The following FMNL2 variants were observed in gnomAD, a reference collection of about 807,000 sequenced individuals.
FMNL2 encodes the protein formin like 2, also known as formin-like protein 2.
FMNL2 carries 51 observed loss-of-function variants against 130.2 expected under a neutral mutation model. The ratio of observed to expected loss-of-function variants is 0.39; its 90% CI spans 0.31 to 0.49. The LOEUF is 0.49. Ranked by LOEUF, FMNL2 falls within the 20% of genes least tolerant of loss-of-function variation. The pLI, the probability that FMNL2 is intolerant of heterozygous loss-of-function variation, is 0.85. For synonymous variants in FMNL2, 465 were observed against 467.1 expected (o/e 1.00, Z 0.06); for missense variants, 977 against 1,316.2 (o/e 0.74, Z 3.99).
intron 1 of FMNL2, among the ~76,000 whole-genome samples, chr2:152,435,490 A>G (rs1687703567): frequency 6.6e-6 from 1 of 152,124 alleles, no homozygotes; most frequent in Non-Finnish European, 1.5e-5. Flanking sequence ...AAATACCTGC[A>G]TACCATTACT....
intron 2 of FMNL2, among the ~76,000 whole-genome samples, chr2:152,528,567 A>C (rs928453309): frequency 5.3e-5 from 8 of 152,114 alleles, no homozygotes; most frequent in Non-Finnish European, 1.2e-4. Flanking sequence ...AAGAACAGTT[A>C]CTGGATTTAG....
At chr2:152,428,257 A>T (rs1013145803) in intron 1 of FMNL2, among the ~76,000 whole-genome samples, 2 of 152,236 alleles carry the variant, frequency 1.3e-5, no homozygotes, top group African/African-American at 4.8e-5. Context: ...AACAAAAGCA[A>T]ATCAGAACCG....
chr2:152,395,669 A>G (rs1685351686), intron 1 of FMNL2, among the ~76,000 whole-genome samples: 1 of 152,252 alleles, frequency 6.6e-6, no homozygotes, highest in African/African-American at 2.4e-5. Flanking sequence ...AAGAATGACT[A>G]AAAAATCAGC....
At chr2:152,370,309 C>T (rs1363994600) in intron 1 of FMNL2, among the ~76,000 whole-genome samples, 2 of 152,066 alleles carry the variant, frequency 1.3e-5, no homozygotes, top group African/African-American at 4.8e-5. Flanking sequence ...CTAGGAAGCT[C>T]CCCGGGGTCT....
intron 1 of FMNL2, among the ~76,000 whole-genome samples, chr2:152,406,965 C>A (rs145416170): frequency 6.6e-6 from 1 of 152,238 alleles, no homozygotes; most frequent in African/African-American, 2.4e-5. Flanking sequence ...CTGGCTCTGT[C>A]ACTTTGTAAT....
intron 10 of FMNL2, among the ~76,000 whole-genome samples, chr2:152,607,995 G>A (rs1457906327): frequency 1.3e-5 from 2 of 152,088 alleles, no homozygotes; most frequent in East Asian, 1.9e-4. Flanking sequence ...CGGTTCCACA[G>A]CAGTCCTGTC....
intron 1 of FMNL2, among the ~76,000 whole-genome samples, chr2:152,484,501 G>A (rs1400687546): frequency 6.6e-6 from 1 of 151,976 alleles, no homozygotes; most frequent in East Asian, 1.9e-4. Context: ...GCTGGAAGTG[G>A]TGGTGCCTAC....
intron 22 of FMNL2, among the ~76,000 whole-genome samples, chr2:152,637,138 G>A (rs1476820662): frequency 6.6e-6 from 1 of 152,224 alleles, no homozygotes; most frequent in East Asian, 1.9e-4. Flanking sequence ...AGTGTCCCCT[G>A]TGTGAGGCTG....
chr2:152,502,222 C>T (rs77037899), intron 1 of FMNL2, among the ~76,000 whole-genome samples: 11,177 of 152,276 alleles, frequency 0.073, 661 homozygotes, highest in Admixed American at 0.21. Context: ...TTGGAGCACC[C>T]ACTAGGTACA....
intron 9 of FMNL2, among the ~76,000 whole-genome samples, chr2:152,602,050 G>T (rs1698108899): frequency 6.6e-6 from 1 of 152,196 alleles, no homozygotes; most frequent in African/African-American, 2.4e-5. Flanking sequence ...CAGGGTAGTG[G>T]CTGAACTGTG....
chr2:152,348,671 G>T (rs1288286886), intron 1 of FMNL2, among the ~76,000 whole-genome samples: 1 of 152,164 alleles, frequency 6.6e-6, no homozygotes, highest in Non-Finnish European at 1.5e-5. Flanking sequence ...CTGACTCCTT[G>T]TGAATTAGCA....
At chr2:152,569,254 G>A (rs185621524) in intron 6 of FMNL2, among the ~76,000 whole-genome samples, 2 of 152,076 alleles carry the variant, frequency 1.3e-5, no homozygotes, top group Non-Finnish European at 1.5e-5. Context: ...TCTGTGGTTC[G>A]GCAGATCCAT....
At chr2:152,361,863 C>T (rs141029019) in intron 1 of FMNL2, among the ~76,000 whole-genome samples, 2 of 152,252 alleles carry the variant, frequency 1.3e-5, no homozygotes, top group South Asian at 2.1e-4. Flanking sequence ...TGAGGAATTA[C>T]ACTCATTTTA....
chr2:152,383,855 T>A (rs1684636334), intron 1 of FMNL2, among the ~76,000 whole-genome samples: 1 of 152,208 alleles, frequency 6.6e-6, no homozygotes, highest in South Asian at 2.1e-4. Flanking sequence ...GATTAGCATC[T>A]GTTTTATTTA....
At chr2:152,629,759 A>G (rs201015196) in intron 19 of FMNL2, 35 bp downstream of exon 19, 29 of 1,602,504 alleles carry the variant, frequency 1.8e-5, no homozygotes, top group Admixed American at 6.9e-5. Flanking sequence ...ATGAAGGACT[A>G]CTTCAGCTGC....
intron 1 of FMNL2, among the ~76,000 whole-genome samples, chr2:152,507,086 G>T (rs953028717): frequency 1.3e-5 from 2 of 152,222 alleles, no homozygotes; most frequent in African/African-American, 4.8e-5. Context: ...ACCACCTCAG[G>T]CTAGTGGCTT....
chr2:152,448,570 G>A (rs1465781522), intron 1 of FMNL2, among the ~76,000 whole-genome samples: 1 of 152,058 alleles, frequency 6.6e-6, no homozygotes, highest in East Asian at 1.9e-4. Flanking sequence ...AAAACTCCTC[G>A]GGGTTTTCTC....
intron 6 of FMNL2, among the ~76,000 whole-genome samples, chr2:152,566,692 G>A (rs1006945016): frequency 6.6e-6 from 1 of 152,072 alleles, no homozygotes; most frequent in Non-Finnish European, 1.5e-5. Context: ...GGCTGACAAG[G>A]GACTTAAGTA....
chr2:152,630,371 A>G (rs1580136846), intron 20 of FMNL2, among the ~76,000 whole-genome samples: 3 of 152,370 alleles, frequency 2.0e-5, no homozygotes, highest in African/African-American at 7.2e-5. Context: ...CTGAATGGAA[A>G]TAGGTTAAAA....
Sources: gnomAD v4.1 joint callset for allele counts (sites outside exome capture counted in the v4.1 genomes callset) on GRCh38, gnomAD v4.1.1 for gene constraint, MANE v1.5 for transcripts, NCBI Gene and HGNC (gene_info 2026-07-23, HGNC 2026-07-21) for gene names.